Variants in NELL1 observed in about 807,000 individuals in gnomAD.
NELL1 encodes the protein protein kinase C-binding protein NELL1.
A neutral mutation model predicts 107.4 loss-of-function variants in NELL1; 76 were observed. That is an observed-to-expected ratio of 0.71 (90% CI 0.59 to 0.86). The LOEUF is 0.86. Ranked by LOEUF, NELL1 falls within the 40% of genes least tolerant of loss-of-function variation. NELL1 has a pLI of 0.00. For synonymous variants in NELL1, 353 were observed against 341.2 expected, an observed-to-expected ratio of 1.03 and a Z score of -0.38; for missense variants, 1,024 against 1,005.5, an observed-to-expected ratio of 1.02 and a Z score of -0.25.
intron 9 of NELL1, among the ~76,000 whole-genome samples, chr11:20,936,425 A>G (rs934856002): frequency 6.6e-6 from 1 of 152,292 alleles, no homozygotes; most frequent in Admixed American, 6.5e-5. Flanking sequence ...ACGTTAACTT[A>G]GGCATGTCCC....
chr11:20,758,850 G>T (rs2133954976), intron 2 of NELL1, among the ~76,000 whole-genome samples: 1 of 152,264 alleles, frequency 6.6e-6, no homozygotes, highest in Admixed American at 6.5e-5. Context: ...GAGGATGACT[G>T]TTTTAGAGTC....
intron 13 of NELL1, among the ~76,000 whole-genome samples, chr11:21,140,508 A>AG (rs563416572): frequency 6.6e-6 from 1 of 152,196 alleles, no homozygotes; most frequent in Non-Finnish European, 1.5e-5. Context: ...AAGCTTTGGA[A>AG]GAGTATTCTG....
chr11:20,758,777 A>C (rs1237118404), intron 2 of NELL1, among the ~76,000 whole-genome samples: 2 of 152,172 alleles, frequency 1.3e-5, no homozygotes, highest in Non-Finnish European at 2.9e-5. Context: ...AGTGCCCCTA[A>C]GTGGTGGGAA....
Position 21,575,132 on chromosome 11 carries a change from C to A in NELL1, c.*110C>A. On this transcript the variant is annotated 3_prime_UTR_variant, in exon 20 of 20. Coordinates refer to ENST00000357134, the MANE Select transcript of NELL1 (RefSeq NM_006157.5). ...TTTGTTTGTTTTGTTTTTTTAACCACAGATAATTGCCAAAGTTTCCACCTG... is the reference window on the plus strand; with the variant it reads ...TTTGTTTGTTTTGTTTTTTTAACCAAAGATAATTGCCAAAGTTTCCACCTG... 1 of 975,332 alleles carries A rather than the reference C, an allele frequency of 1.0e-6. No homozygotes were observed. The highest frequency in any genetic ancestry group is 1.6e-6 in the Non-Finnish European group (1 of 626,298). 60.4% of individuals were successfully genotyped at this position (975,332 alleles called of 1,614,324 possible).
chr11:21,337,539 C>T (rs999749149), intron 14 of NELL1, among the ~76,000 whole-genome samples: 1 of 152,204 alleles, frequency 6.6e-6, no homozygotes, highest in Non-Finnish European at 1.5e-5. Context: ...TTACATGGCC[C>T]CTGTCACTTC....
At chr11:21,279,385 G>C (rs971229632) in intron 14 of NELL1, among the ~76,000 whole-genome samples, 6 of 152,172 alleles carry the variant, frequency 3.9e-5, no homozygotes, top group African/African-American at 1.4e-4. Context: ...AAGGACTGTT[G>C]TCCGAAATAT....
chr11:20,700,137 C>T (rs1854737209), intron 2 of NELL1, among the ~76,000 whole-genome samples: 1 of 151,554 alleles, frequency 6.6e-6, no homozygotes, highest in African/African-American at 2.4e-5. Flanking sequence ...AAAACAAAAA[C>T]AAAAACAAAA....
At position 21,541,400 on chromosome 11, in the gene NELL1, G is replaced by C. The variant is rs192640441; in HGVS notation, c.1786+6886G>C. Among the ~76,000 whole-genome samples, 13 of 152,216 alleles carry C rather than the reference G, an allele frequency of 8.5e-5. No homozygotes were observed. The East Asian group carries it at 2.5e-3, about 30-fold the overall frequency. On this transcript the variant is annotated intron_variant, in intron 16 of 19. Coordinates refer to ENST00000357134, the MANE Select transcript of NELL1 (RefSeq NM_006157.5). The stretch of plus-strand genomic sequence containing the variant: ...AAAGCAATATGAAACAACCAAAAAT[G>C]TTCCGCTGAAATCCCTTGGGAAAGA...
At chr11:21,508,004 A>G (rs575097463) in intron 15 of NELL1, among the ~76,000 whole-genome samples, 1 of 151,120 alleles carries the variant, frequency 6.6e-6, no homozygotes, top group South Asian at 2.1e-4. Context: ...CTGGTCTTGA[A>G]CTCCTGACCT....
chr11:21,462,149 A>T (rs1045918673), intron 15 of NELL1, among the ~76,000 whole-genome samples: 31 of 152,252 alleles, frequency 2.0e-4, no homozygotes, highest in African/African-American at 7.2e-4. Context: ...AATTTTCATT[A>T]AATCAAGACA....
chr11:21,055,754 C>A (rs1426584311), intron 12 of NELL1, among the ~76,000 whole-genome samples: 1 of 152,110 alleles, frequency 6.6e-6, no homozygotes, highest in Non-Finnish European at 1.5e-5. Flanking sequence ...AGGCAAAACA[C>A]TGGGTCATGG....
At position 20,846,559 on chromosome 11, in the gene NELL1, C is replaced by T. The variant is rs533969898; in HGVS notation, c.336-1024C>T. On this transcript the variant is annotated intron_variant, in intron 3 of 19. Transcript: ENST00000357134. ...TAGTGCCTGGTGAGGCTATCCTCAC[C>T]ACTTTGTCATCATGCCTCTGGGATG... Among the ~76,000 whole-genome samples the T allele has an allele frequency of 1.6e-4, 24 of 152,216 alleles. 1 individual carries two copies. In the South Asian group the frequency reaches 5.0e-3, roughly 32 times the overall value.
intron 3 of NELL1, among the ~76,000 whole-genome samples, chr11:20,824,388 C>A (rs1352644639): frequency 6.6e-6 from 1 of 151,030 alleles, no homozygotes; most frequent in Non-Finnish European, 1.5e-5. Flanking sequence ...TGGGTTGCTG[C>A]CATAAGGATA....
chr11:20,708,405 C>A (rs557167865), intron 2 of NELL1, among the ~76,000 whole-genome samples: 1 of 152,332 alleles, frequency 6.6e-6, no homozygotes, highest in East Asian at 1.9e-4. Flanking sequence ...GCAGAAATCA[C>A]CCGTCTTCTG....
At chr11:20,882,226 T>A (rs16906988) in intron 4 of NELL1, among the ~76,000 whole-genome samples, 1 of 152,248 alleles carries the variant, frequency 6.6e-6, no homozygotes, top group African/African-American at 2.4e-5. Context: ...GTTTGTGTTA[T>A]CAGCATTAGT....
intron 4 of NELL1, among the ~76,000 whole-genome samples, chr11:20,859,450 C>T (rs568962372): frequency 1.3e-5 from 2 of 152,178 alleles, no homozygotes; most frequent in African/African-American, 4.8e-5. Context: ...GTGTGGGTCT[C>T]GATGCTGATG....
At chr11:20,787,196 G>T (rs866407736) in intron 3 of NELL1, among the ~76,000 whole-genome samples, 6 of 151,782 alleles carry the variant, frequency 4.0e-5, no homozygotes, top group African/African-American at 1.4e-4. Flanking sequence ...TTCCATGTGT[G>T]TGTAGTCTGA....
intron 14 of NELL1, among the ~76,000 whole-genome samples, chr11:21,235,317 T>A (rs1377330706): frequency 3.3e-5 from 5 of 152,142 alleles, no homozygotes; most frequent in Admixed American, 2.6e-4. Flanking sequence ...CTCCTCTGGT[T>A]ATAGAGCAAT....
intron 2 of NELL1, among the ~76,000 whole-genome samples, chr11:20,686,523 G>C (rs1023491034): frequency 5.3e-5 from 8 of 152,126 alleles, no homozygotes; most frequent in Non-Finnish European, 1.0e-4. Context: ...TGTCACTGCC[G>C]GGTGGTTGGA....
Sources: allele counts gnomAD v4.1 joint callset (sites outside exome capture counted in the v4.1 genomes callset), GRCh38; gene constraint gnomAD v4.1.1; transcripts MANE v1.5; gene names NCBI Gene and HGNC (gene_info 2026-07-23, HGNC 2026-07-21).